The following OTOGL variants were observed in gnomAD, a reference collection of about 807,000 sequenced individuals.
OTOGL encodes the protein otogelin-like protein.
OTOGL carries 285 observed loss-of-function variants against 318.5 expected under a neutral mutation model. The ratio of observed to expected loss-of-function variants is 0.89; its 90% CI spans 0.81 to 0.99. OTOGL has a LOEUF of 0.99. Ranked by LOEUF, OTOGL falls within the 50% of genes least tolerant of loss-of-function variation. OTOGL has a pLI of 0.00. For synonymous variants in OTOGL, 987 were observed against 936.5 expected (o/e 1.05, Z -0.99); for missense variants, 2,899 against 2,845.6 (o/e 1.02, Z -0.43).
chr12:80,377,481 A>G (rs1891231184), intron 58 of OTOGL, among the ~76,000 whole-genome samples: 1 of 152,190 alleles, frequency 6.6e-6, no homozygotes, highest in Non-Finnish European at 1.5e-5. Flanking sequence ...AATTTTACTC[A>G]GCAAAAAGAG....
Position 80,343,479 on chromosome 12 carries a change from TTTTTTACA to T in OTOGL, c.5265+1324_5265+1331del, listed in dbSNP as rs1339938633. The T allele has an allele frequency of 8.1e-4, 121 of 149,422 alleles. 1 individual carries two copies. Among genetic ancestry groups the T allele is most frequent in the East Asian group, 6.6e-3 (33 of 5,036 alleles). 9.3% of individuals were successfully genotyped at this position (149,422 alleles called of 1,614,324 possible). A position where few individuals can be genotyped will look rare whatever the true frequency, so the allele number is the denominator to read the frequency against. ...TGTATTATTTTTTACATTTTTATTA[TTTTTTACA>T]TTTTTATTATTTTTTATTCTTGTTT... On this transcript the variant is annotated intron_variant, in intron 44 of 58. Coordinates refer to ENST00000547103, the MANE Select transcript of OTOGL (RefSeq NM_001378609.3).
intron 29 of OTOGL, 71 bp downstream of exon 29, chr12:80,305,766 T>C: frequency 8.3e-7 from 1 of 1,198,306 alleles, no homozygotes; most frequent in East Asian, 2.8e-5. Context: ...GAACATTTTA[T>C]TCTTATTTAG....
intron 1 of OTOGL, among the ~76,000 whole-genome samples, chr12:80,157,849 T>C (rs1407399069): frequency 6.6e-6 from 1 of 152,166 alleles, no homozygotes; most frequent in African/African-American, 2.4e-5. Flanking sequence ...CACTCTTCTA[T>C]GTTGGCTCTC....
chr12:80,336,600 A>G (rs894566594), intron 40 of OTOGL, 45 bp downstream of exon 40: 3 of 1,558,554 alleles, frequency 1.9e-6, no homozygotes, highest in Non-Finnish European at 2.6e-6. Flanking sequence ...ATAAATCTAT[A>G]GCTAATGTCT....
At chr12:80,290,671 T>C (rs186645805) in intron 26 of OTOGL, among the ~76,000 whole-genome samples, 14 of 152,286 alleles carry the variant, frequency 9.2e-5, no homozygotes, top group African/African-American at 3.1e-4. Context: ...ATTTTGTATA[T>C]GGAAAAAATA....
In OTOGL at chr12:80,181,145, T is replaced by C. The variant is rs575415721; in HGVS notation, c.-19-28268T>C. Among the ~76,000 whole-genome samples the C allele has an allele frequency of 3.3e-5, 5 of 152,316 alleles. No homozygotes were observed. In the South Asian group the frequency reaches 1.0e-3, roughly 32 times the overall value. On this transcript the variant is annotated intron_variant, in intron 1 of 58. Coordinates refer to ENST00000547103, the MANE Select transcript of OTOGL (RefSeq NM_001378609.3). ...GTCAATTGGTACATTTCAGCAGATATTACAATTAGTTTAGATCCTTTGTTG... is the reference window on the plus strand; with the variant it reads ...GTCAATTGGTACATTTCAGCAGATACTACAATTAGTTTAGATCCTTTGTTG...
intron 1 of OTOGL, among the ~76,000 whole-genome samples, chr12:80,127,403 A>G (rs1032883573): frequency 1.5e-4 from 23 of 152,236 alleles, no homozygotes; most frequent in African/African-American, 5.3e-4. Context: ...GTTTCTGCCG[A>G]GAGATCCGCT....
intron 1 of OTOGL, among the ~76,000 whole-genome samples, chr12:80,156,979 G>A (rs1463299121): frequency 6.6e-6 from 1 of 152,078 alleles, no homozygotes; most frequent in African/African-American, 2.4e-5. Context: ...CTGGATCATA[G>A]GGTAGCTCAA....
chr12:80,116,010 G>GC (rs34959976), intron 1 of OTOGL, among the ~76,000 whole-genome samples: 97,330 of 151,942 alleles, frequency 0.64, 32,016 homozygotes, highest in African/African-American at 0.79. Context: ...GATTTGACGA[G>GC]AAGACCACTT....
chr12:80,145,971 G>T (rs939492786), intron 1 of OTOGL, among the ~76,000 whole-genome samples: 3 of 150,648 alleles, frequency 2.0e-5, no homozygotes, highest in Non-Finnish European at 4.4e-5. Context: ...GAACAATGGG[G>T]TTTTCTAGAT....
chr12:80,355,224 CTTTTCTTT>C (rs1889803196), intron 46 of OTOGL, among the ~76,000 whole-genome samples: 3 of 65,596 alleles, frequency 4.6e-5, no homozygotes, highest in African/African-American at 6.0e-5. Context: ...TTCTTTCTTT[CTTTTCTTT>C]TTTTTTTTTT....
At chr12:80,351,042 A>G (rs1202032251) in intron 44 of OTOGL, among the ~76,000 whole-genome samples, 1 of 152,166 alleles carries the variant, frequency 6.6e-6, no homozygotes. Context: ...CAGGTCCTAC[A>G]GTTAAGTCTT....
chr12:80,156,858 G>T lies in OTOGL; in HGVS notation c.-19-52555G>T, dbSNP rs573963142. ...ATGGACTCATAGAGACACTTAGATT[G>T]CATCCAAATCTTGTCTATTGTGAAG... On this transcript the variant is annotated intron_variant, in intron 1 of 58. Coordinates refer to ENST00000547103, the MANE Select transcript of OTOGL (RefSeq NM_001378609.3). Among the ~76,000 whole-genome samples, 11 of 152,216 alleles carry T rather than the reference G, an allele frequency of 7.2e-5. 1 individual carries two copies. Among genetic ancestry groups the T allele is most frequent in the South Asian group, 4.1e-4 (2 of 4,820 alleles).
chr12:80,210,011 C>T (rs1877125946), intron 2 of OTOGL, among the ~76,000 whole-genome samples: 1 of 152,052 alleles, frequency 6.6e-6, no homozygotes, highest in Non-Finnish European at 1.5e-5. Flanking sequence ...TAACTAACAT[C>T]TGGGGCTAAA....
chr12:80,291,434 C>T (rs574274621), intron 26 of OTOGL, among the ~76,000 whole-genome samples: 1 of 152,124 alleles, frequency 6.6e-6, no homozygotes, highest in African/African-American at 2.4e-5. Context: ...TCAGATTAGA[C>T]CTTTTAAAAG....
chr12:80,331,760 ACT>A, intron 37 of OTOGL, among the ~76,000 whole-genome samples: 1 of 152,154 alleles, frequency 6.6e-6, no homozygotes, highest in African/African-American at 2.4e-5. Flanking sequence ...CATTCATGTG[ACT>A]AAATTAAGAT....
chr12:80,366,614 G>T lies in OTOGL; in HGVS notation c.6308G>T (p.Cys2103Phe), dbSNP rs908172339. Reference sequence around the variant, plus strand: ...ATAGACCATAACTTCCAGAGTGATTGTGGATGCATACAGTATCTCTGTGGT... The same window carrying T: ...ATAGACCATAACTTCCAGAGTGATTTTGGATGCATACAGTATCTCTGTGGT... ...TAIDHNFQSD[C>F]GCIQYLCEKD... is the part of the protein sequence containing the mutation. Residue 2103 changes from cysteine (C) to phenylalanine (F), a missense_variant, in exon 53 of 59, where the codon TGT becomes TTT. Cys to Phe is a radical substitution (Grantham distance 205). Transcript: ENST00000547103. 1 of 1,427,990 alleles carries T rather than the reference G, an allele frequency of 7.0e-7. No homozygotes were observed. Among genetic ancestry groups the T allele is most frequent in the African/African-American group, 1.4e-5 (1 of 69,346 alleles). The allele number at this position is 1,427,990 out of a possible 1,614,324, so 88.5% of individuals were successfully genotyped here. A position where few individuals can be genotyped will look rare whatever the true frequency, so the allele number is the denominator to read the frequency against.
chr12:80,308,077 C>T (rs1358168276), intron 29 of OTOGL, among the ~76,000 whole-genome samples: 2 of 135,324 alleles, frequency 1.5e-5, no homozygotes, highest in African/African-American at 2.9e-5. Context: ...CCGGACGGGG[C>T]GGCTGGCCGG....
intron 1 of OTOGL, among the ~76,000 whole-genome samples, chr12:80,194,271 A>C (rs1193070678): frequency 6.6e-6 from 1 of 152,216 alleles, no homozygotes. Context: ...TTTACTAAGT[A>C]TGATTCTTCA....
Sources: allele counts gnomAD v4.1 joint callset (sites outside exome capture counted in the v4.1 genomes callset), GRCh38; gene constraint gnomAD v4.1.1; transcripts MANE v1.5; gene names NCBI Gene and HGNC (gene_info 2026-07-23, HGNC 2026-07-21).